The following EDC4 variants were observed in gnomAD, a reference collection of about 807,000 sequenced individuals.
EDC4 encodes the protein enhancer of mRNA-decapping protein 4.
EDC4 carries 64 observed loss-of-function variants against 155.8 expected under a neutral mutation model. The ratio of observed to expected loss-of-function variants is 0.41; its 90% CI spans 0.34 to 0.51. EDC4 has a LOEUF of 0.51. Ranked by LOEUF, EDC4 falls within the 20% of genes least tolerant of loss-of-function variation. The pLI, the probability that EDC4 is intolerant of heterozygous loss-of-function variation, is 0.19. For missense variants in EDC4, 1,303 were observed against 1,812.5 expected (o/e 0.72, Z 5.10); for synonymous variants, 684 against 716.8 (o/e 0.95, Z 0.73).
rs1394930177 is a variant in EDC4 at position 67,882,567 on chromosome 16, G to A, written c.3415G>A (p.Asp1139Asn). Reference protein sequence around the residue: ...SCQAMFQQINDSFRLGTQEYL... With the variant: ...SCQAMFQQINNSFRLGTQEYL... Reference sequence around the variant, plus strand: ...CCAGGCCATGTTCCAGCAAATCAATGATAGCTTCCGGCTGGGGACACAGGA... The same window carrying A: ...CCAGGCCATGTTCCAGCAAATCAATAATAGCTTCCGGCTGGGGACACAGGA... Residue 1139 changes from aspartate (D) to asparagine (N), a missense_variant, in exon 25 of 29, where the codon GAT (aspartate) becomes AAT (asparagine). Asp to Asn is a conservative substitution (Grantham distance 23, BLOSUM62 1). Around this residue, in one of 5 missense-constraint regions of EDC4, gnomAD observed 527 missense variants for 757.0 expected, o/e 0.70. Coordinates refer to ENST00000358933, the MANE Select transcript of EDC4 (RefSeq NM_014329.5). This position sits in a 1 kb window ranked among gnomAD's most constrained non-coding sequence, Gnocchi z 7.2. 1 of 1,614,220 alleles carries A rather than the reference G, an allele frequency of 6.2e-7. No individual in the cohort carries two copies.
In EDC4 at chr16:67,877,805, A is replaced by G; in HGVS notation, c.854A>G (p.Gln285Arg). 1 of 1,614,178 alleles carries G rather than the reference A, an allele frequency of 6.2e-7. No individual in the cohort carries two copies. ...AGTACCTGGCCTGTGGATGTTAGCC[A>G]GATCAAGCAGGGCTTCATTGTGGTA... ...SHSTWPVDVS[Q>R]IKQGFIVVKG... The change falls in exon 7 of 29, where the codon CAG becomes CGG. Residue 285 changes from glutamine to arginine, a missense_variant. By Grantham distance (43) the Gln-to-Arg change is conservative. Coordinates refer to ENST00000358933, the MANE Select transcript of EDC4 (RefSeq NM_014329.5). This position sits in a 1 kb window ranked among gnomAD's most constrained non-coding sequence, Gnocchi z 4.9.
Position 67,879,449 on chromosome 16 carries a change from C to T in EDC4, c.1579C>T (p.Leu527=). 1 of 1,614,210 alleles carries T rather than the reference C, an allele frequency of 6.2e-7. No individual in the cohort carries two copies. Among genetic ancestry groups the T allele is most frequent in the Non-Finnish European group, 8.5e-7 (1 of 1,180,044 alleles). The change falls in exon 14 of 29, where the codon CTG becomes TTG. Residue 527 remains leucine (L), a synonymous_variant. Transcript: ENST00000358933. This position sits in a 1 kb window ranked among gnomAD's most constrained non-coding sequence, Gnocchi z 6.0. ...QDVQIRFQPQ[L]NPDVVAPLPT... is the part of the protein sequence containing the mutation. ...TGTGCAGATCCGCTTCCAGCCACAGCTGAACCCTGATGTGGTGGCCCCACT... is the reference window on the plus strand; with the variant it reads ...TGTGCAGATCCGCTTCCAGCCACAGTTGAACCCTGATGTGGTGGCCCCACT...
rs747374093 is a variant in EDC4, at chr16:67,882,037, G to A, written c.3088G>A (p.Ala1030Thr). Residue 1030 changes from alanine (A) to threonine (T), a missense_variant, in exon 23 of 29, where the codon GCA becomes ACA. Transcript: ENST00000358933. This position sits in a 1 kb window ranked among gnomAD's most constrained non-coding sequence, Gnocchi z 7.2. ...QEQLTQQLSQ[A>T]LSSAVAGRLE... ...GCAGCTGACACAACAGTTGTCCCAA[G>A]CACTGTCGTCAGCTGTAGCTGGGCG... is the stretch of plus-strand genomic sequence containing the variant. The A allele has an allele frequency of 1.6e-5, 26 of 1,612,908 alleles. No homozygotes were observed. Among genetic ancestry groups the A allele is most frequent in the African/African-American group, 2.7e-5 (2 of 74,892 alleles).
intron 1 of EDC4, among the ~76,000 whole-genome samples, chr16:67,874,712 T>C (rs1227983967): frequency 6.6e-6 from 1 of 152,230 alleles, no homozygotes; most frequent in Non-Finnish European, 1.5e-5. Flanking sequence ...ACTTTGTTTA[T>C]TGATTGGCAC....
Position 67,882,657 on chromosome 16 carries a change from A to T in EDC4, c.3443-22A>T. 2 of 1,614,200 alleles carry T rather than the reference A, an allele frequency of 1.2e-6. No individual in the cohort carries two copies. Among genetic ancestry groups the T allele is most frequent in the Non-Finnish European group, 1.7e-6 (2 of 1,180,032 alleles). On this transcript the variant is annotated intron_variant, in intron 25 of 28. Transcript: ENST00000358933. The surrounding 1 kb of genome is among the most constrained non-coding windows in gnomAD (Gnocchi z 7.2). ...TCCTCTTTCCTACTGTTCCTCTTAT[A>T]GTCCCTGTGGTCACCCCTCAGACTT... is the stretch of plus-strand genomic sequence containing the variant.
Position 67,877,802 on chromosome 16 carries a change from G to C in EDC4, c.851G>C (p.Ser284Thr). ...CACAGTACCTGGCCTGTGGATGTTA[G>C]CCAGATCAAGCAGGGCTTCATTGTG... ...SSHSTWPVDVSQIKQGFIVVK... is the reference protein window; with the variant it reads ...SSHSTWPVDVTQIKQGFIVVK... Residue 284 changes from serine to threonine, a missense_variant, in exon 7 of 29, where the codon AGC becomes ACC. Ser to Thr is a moderately conservative substitution (Grantham distance 58, BLOSUM62 1). This residue lies in a region of EDC4 where 235 missense variants were observed against 367.7 expected (regional missense o/e 0.64). Transcript: ENST00000358933. This position sits in a 1 kb window ranked among gnomAD's most constrained non-coding sequence, Gnocchi z 4.9. The C allele has an allele frequency of 6.2e-7, 1 of 1,614,202 alleles. No homozygotes were observed. The highest frequency in any genetic ancestry group is 1.1e-5 in the South Asian group (1 of 91,092).
At position 67,880,502 on chromosome 16, in the gene EDC4, C is replaced by T; in HGVS notation, c.2098-55C>T. ...AATACTAATGCCTCGTCTCTGTGCC[C>T]CCCATCTCTGCCTCACTTCCTGTCA... On this transcript the variant is annotated intron_variant, in intron 17 of 28. Coordinates refer to ENST00000358933, the MANE Select transcript of EDC4 (RefSeq NM_014329.5). The surrounding 1 kb of genome is among the most constrained non-coding windows in gnomAD (Gnocchi z 5.2). The T allele has an allele frequency of 1.3e-6, 2 of 1,586,210 alleles. No individual in the cohort carries two copies. The highest frequency in any genetic ancestry group is 1.7e-6 in the Non-Finnish European group (2 of 1,162,844).
Position 67,879,952 on chromosome 16 carries a change from G to C in EDC4, c.1924G>C (p.Val642Leu), listed in dbSNP as rs1157808324. ...GTCTGCCATGAGCAGCACCTCAGCT[G>C]TGGACCCCTCCTTGACCAGGTGAGG... ...AVSAMSSTSA[V>L]DPSLTRPPEE... Residue 642 changes from valine (V) to leucine (L), a missense_variant, in exon 16 of 29, where the codon GTG (valine) becomes CTG (leucine). Transcript: ENST00000358933. The surrounding 1 kb of genome is among the most constrained non-coding windows in gnomAD (Gnocchi z 6.0). The C allele has an allele frequency of 1.2e-6, 2 of 1,611,636 alleles. No homozygotes were observed.
chr16:67,877,145 G>A lies in EDC4; in HGVS notation c.452-72G>A, dbSNP rs1567389327. On this transcript the variant is annotated intron_variant, in intron 4 of 28. Coordinates refer to ENST00000358933, the MANE Select transcript of EDC4 (RefSeq NM_014329.5). This position sits in a 1 kb window ranked among gnomAD's most constrained non-coding sequence, Gnocchi z 4.9. Reference sequence around the variant, plus strand: ...GACTCTGGTGGTGGCAGGGAGACAGGTGGGGCAGCGCTTCTCTGCTACTGC... The same window carrying A: ...GACTCTGGTGGTGGCAGGGAGACAGATGGGGCAGCGCTTCTCTGCTACTGC... 2 of 1,545,272 alleles carry A rather than the reference G, an allele frequency of 1.3e-6. No individual in the cohort carries two copies. The highest frequency in any genetic ancestry group is 1.4e-5 in the African/African-American group (1 of 73,440).
In EDC4 at chr16:67,879,599, C is replaced by T; in HGVS notation, c.1646C>T (p.Ser549Phe). The T allele has an allele frequency of 6.2e-7, 1 of 1,614,100 alleles. No homozygotes were observed. The highest frequency in any genetic ancestry group is 8.5e-7 in the Non-Finnish European group (1 of 1,179,976). ...ACTTGCCCTGCAGCATTTGGAGAGT[C>T]TCGGCCCGAACTGGGCTCTGAGGGC... ...TAHEDFTFGESRPELGSEGLG... is the reference protein window; with the variant it reads ...TAHEDFTFGEFRPELGSEGLG... The change falls in exon 15 of 29, where the codon TCT becomes TTT. Residue 549 changes from serine to phenylalanine, a missense_variant. Physicochemically the swap from Ser to Phe is radical, Grantham distance 155. This residue lies in a region of EDC4 where 391 missense variants were observed against 445.4 expected (regional missense o/e 0.88). Coordinates refer to ENST00000358933, the MANE Select transcript of EDC4 (RefSeq NM_014329.5). This position sits in a 1 kb window ranked among gnomAD's most constrained non-coding sequence, Gnocchi z 6.0.
At position 67,877,125 on chromosome 16, in the gene EDC4, T is replaced by C; in HGVS notation, c.452-92T>C. Reference sequence around the variant, plus strand: ...GGTGGGAAAACCAAGCTTGAGACTCTGGTGGTGGCAGGGAGACAGGTGGGG... The same window carrying C: ...GGTGGGAAAACCAAGCTTGAGACTCCGGTGGTGGCAGGGAGACAGGTGGGG... On this transcript the variant is annotated intron_variant, in intron 4 of 28. Transcript: ENST00000358933. The surrounding 1 kb of genome is among the most constrained non-coding windows in gnomAD (Gnocchi z 4.9). The C allele has an allele frequency of 6.5e-7, 1 of 1,536,308 alleles. No individual in the cohort carries two copies. Among genetic ancestry groups the C allele is most frequent in the African/African-American group, 1.4e-5 (1 of 73,324 alleles).
intron 1 of EDC4, among the ~76,000 whole-genome samples, chr16:67,873,949 G>C (rs1236336842): frequency 6.6e-6 from 1 of 152,092 alleles, no homozygotes; most frequent in African/African-American, 2.4e-5. Flanking sequence ...TTCATATTTC[G>C]CTTTGGCTCT....
Position 67,875,931 on chromosome 16 carries a change from C to T in EDC4, c.83-14C>T, listed in dbSNP as rs1465544330. The T allele has an allele frequency of 1.9e-6, 3 of 1,609,918 alleles. No homozygotes were observed. The highest frequency in any genetic ancestry group is 2.2e-5 in the East Asian group (1 of 44,822). ...GTCGAGCAACCTTATCAGAATGACC[C>T]TCTTTGTCCCCAGGCCCCAGTGCAG... On this transcript the variant is annotated splice_polypyrimidine_tract_variant and intron_variant, in intron 1 of 28. Coordinates refer to ENST00000358933, the MANE Select transcript of EDC4 (RefSeq NM_014329.5).
At position 67,876,699 on chromosome 16, in the gene EDC4, C is replaced by T. The variant is rs929098782; in HGVS notation, c.351+100C>T. On this transcript the variant is annotated intron_variant, in intron 3 of 28. Transcript: ENST00000358933. The surrounding 1 kb of genome is among the most constrained non-coding windows in gnomAD (Gnocchi z 5.8). ...AGTTCCTATGGGGACCACCTTGACACTTTCCCAGTTTCAGGAAGCCAGGGC... is the reference window on the plus strand; with the variant it reads ...AGTTCCTATGGGGACCACCTTGACATTTTCCCAGTTTCAGGAAGCCAGGGC... The T allele has an allele frequency of 6.4e-7, 1 of 1,561,024 alleles. No individual in the cohort carries two copies. Among genetic ancestry groups the T allele is most frequent in the African/African-American group, 1.4e-5 (1 of 73,782 alleles).
intron 1 of EDC4, 88 bp from the exon 2 acceptor site, chr16:67,875,857 C>A: frequency 1.3e-6 from 2 of 1,542,404 alleles, no homozygotes; most frequent in Non-Finnish European, 1.7e-6. Flanking sequence ...TCCTAGAGCA[C>A]CTCATAGTTC....
Position 67,877,977 on chromosome 16 carries a change from C to G in EDC4, c.894+132C>G. ...TGGGGACTCTGAGCTCAAATTGGCC[C>G]TCACCTGTGCAGCTTTCTCCTTATC... is the stretch of plus-strand genomic sequence containing the variant. On this transcript the variant is annotated intron_variant, in intron 7 of 28. Transcript: ENST00000358933. This position sits in a 1 kb window ranked among gnomAD's most constrained non-coding sequence, Gnocchi z 4.9. 1 of 1,497,762 alleles carries G rather than the reference C, an allele frequency of 6.7e-7. No homozygotes were observed. 92.8% of individuals were successfully genotyped at this position (1,497,762 alleles called of 1,614,324 possible).
intron 1 of EDC4, chr16:67,875,719 G>A: frequency 7.4e-7 from 1 of 1,355,838 alleles, no homozygotes; most frequent in African/African-American, 1.5e-5. Flanking sequence ...GTCCTTGATG[G>A]CTTGTACCCC....
At chr16:67,875,873 G>C (rs2058039258) in intron 1 of EDC4, 72 bp from the exon 2 acceptor site, 1 of 1,557,054 alleles carries the variant, frequency 6.4e-7, no homozygotes, top group Admixed American at 1.9e-5. Flanking sequence ...AGTTCTTGAA[G>C]GAAACTCTGA....
chr16:67,876,718 C>T lies in EDC4; in HGVS notation c.351+119C>T. On this transcript the variant is annotated intron_variant, in intron 3 of 28. Transcript: ENST00000358933. The surrounding 1 kb of genome is among the most constrained non-coding windows in gnomAD (Gnocchi z 5.8). ...TTGACACTTTCCCAGTTTCAGGAAG[C>T]CAGGGCTGGGTGCCAAGCCTCTGTG... The T allele has an allele frequency of 1.3e-6, 2 of 1,554,070 alleles. No individual in the cohort carries two copies. Among genetic ancestry groups the T allele is most frequent in the South Asian group, 1.2e-5 (1 of 82,092 alleles).
Sources: allele counts gnomAD v4.1 joint callset (sites outside exome capture counted in the v4.1 genomes callset), GRCh38; gene constraint gnomAD v4.1.1; regional missense constraint gnomAD v4.1.1; non-coding constraint Gnocchi (gnomAD v3.1); transcripts MANE v1.5; gene names NCBI Gene and HGNC (gene_info 2026-07-23, HGNC 2026-07-21).